The following TAF4B variants were observed in gnomAD, a reference collection of about 807,000 sequenced individuals.
TAF4B encodes the protein TATA-box binding protein associated factor 4b.
Under a neutral mutation model 86.4 loss-of-function variants are expected in TAF4B, and 38 were observed. That is an observed-to-expected ratio of 0.44 (90% CI 0.34 to 0.58). TAF4B has a LOEUF of 0.58. Among genes scored for constraint, TAF4B ranks in the 20% least tolerant of loss-of-function variants. TAF4B has a pLI of 0.02. For synonymous variants in TAF4B, 388 were observed against 391.2 expected, an observed-to-expected ratio of 0.99 and a Z score of 0.10; for missense variants, 988 against 1,027.6, an observed-to-expected ratio of 0.96 and a Z score of 0.53.
intron 14 of TAF4B, among the ~76,000 whole-genome samples, chr18:26,380,785 A>G (rs1311513113): frequency 6.6e-6 from 1 of 151,734 alleles, no homozygotes; most frequent in Non-Finnish European, 1.5e-5. Flanking sequence ...AATAACATAT[A>G]ATTGAGTTTT....
intron 12 of TAF4B, among the ~76,000 whole-genome samples, chr18:26,332,807 C>G (rs546541804): frequency 6.6e-6 from 1 of 152,144 alleles, no homozygotes; most frequent in South Asian, 2.1e-4. Flanking sequence ...GCTGGGATTA[C>G]AGGCGTGAGC....
chr18:26,269,960 G>A (rs2056292022), intron 3 of TAF4B, among the ~76,000 whole-genome samples: 1 of 152,100 alleles, frequency 6.6e-6, no homozygotes. Flanking sequence ...TAGGCCTATT[G>A]ATAGCTACTA....
intron 11 of TAF4B, among the ~76,000 whole-genome samples, chr18:26,326,079 T>C (rs766743344): frequency 2.6e-5 from 4 of 152,192 alleles, no homozygotes; most frequent in South Asian, 2.1e-4. Context: ...GTTTTTCTAC[T>C]ATACAGTTTC....
chr18:26,338,317 T>C (rs2057108772), intron 13 of TAF4B, among the ~76,000 whole-genome samples: 1 of 151,800 alleles, frequency 6.6e-6, no homozygotes, highest in Non-Finnish European at 1.5e-5. Context: ...AGTGTGGTGG[T>C]GCACACCTGT....
At chr18:26,241,644 C>A (rs1384135060) in intron 1 of TAF4B, among the ~76,000 whole-genome samples, 1 of 152,018 alleles carries the variant, frequency 6.6e-6, no homozygotes, top group Non-Finnish European at 1.5e-5. Flanking sequence ...AATGTGTTTG[C>A]TCTTGCTTCT....
intron 1 of TAF4B, chr18:26,256,370 G>A: frequency 1.4e-6 from 2 of 1,397,284 alleles, no homozygotes; most frequent in Non-Finnish European, 2.0e-6. Flanking sequence ...TTTCTTCTGG[G>A]CAAAAGTCTT....
chr18:26,355,202 A>T (rs77973012), intron 13 of TAF4B, among the ~76,000 whole-genome samples: 1 of 152,302 alleles, frequency 6.6e-6, no homozygotes, highest in Non-Finnish European at 1.5e-5. Context: ...GATATTTAGG[A>T]CTCACTTATT....
intron 13 of TAF4B, among the ~76,000 whole-genome samples, chr18:26,341,629 A>G (rs1401292174): frequency 6.6e-6 from 1 of 152,168 alleles, no homozygotes; most frequent in Non-Finnish European, 1.5e-5. Context: ...CAGTTTACGT[A>G]TCAAATTCCA....
intron 14 of TAF4B, among the ~76,000 whole-genome samples, chr18:26,358,439 G>C (rs2057305172): frequency 6.6e-6 from 1 of 152,216 alleles, no homozygotes; most frequent in South Asian, 2.1e-4. Context: ...GGCCGGGCGA[G>C]GTGGCTCACG....
rs2056501259 is a variant in TAF4B at position 26,285,222 on chromosome 18, G to GTTTTTTTTTTTTGTTT, written c.973-648_973-647insGTTTTTTTTTTTTTTT. Among the ~76,000 whole-genome samples, 5 of 45,660 alleles carry GTTTTTTTTTTTTGTTT rather than the reference G, an allele frequency of 1.1e-4. 1 individual carries two copies. Among genetic ancestry groups the GTTTTTTTTTTTTGTTT allele is most frequent in the East Asian group, 2.2e-3 (2 of 914 alleles). The allele number at this position is 45,660 out of a possible 152,430, so 30.0% of individuals were successfully genotyped here. On this transcript the variant is annotated intron_variant, in intron 6 of 14. Transcript: ENST00000269142. ...ATTTCTTCCTTTCCTTTTTTTTTTTGTTTTTTTTTTTTTTGGAGATGGGGT... is the reference window on the plus strand; with the variant it reads ...ATTTCTTCCTTTCCTTTTTTTTTTTGTTTTTTTTTTTTGTTTTTTTTTTTTTTTTTGGAGATGGGGT...
chr18:26,274,326 T>G (rs1296997013), intron 3 of TAF4B, among the ~76,000 whole-genome samples: 1 of 152,206 alleles, frequency 6.6e-6, no homozygotes, highest in Non-Finnish European at 1.5e-5. Flanking sequence ...TTTTGAGGAC[T>G]TATTTGCTTT....
At chr18:26,273,478 C>T (rs1050624077) in intron 3 of TAF4B, among the ~76,000 whole-genome samples, 11 of 152,090 alleles carry the variant, frequency 7.2e-5, no homozygotes, top group Admixed American at 4.6e-4. Flanking sequence ...CCCATATACC[C>T]CAAACCCATG....
intron 1 of TAF4B, among the ~76,000 whole-genome samples, chr18:26,255,437 C>CT (rs1568107343): frequency 6.6e-6 from 1 of 151,788 alleles, no homozygotes. Context: ...AACCCTGTCT[C>CT]TACTAAAACT....
intron 5 of TAF4B, among the ~76,000 whole-genome samples, chr18:26,279,192 C>A (rs902194652): frequency 6.6e-6 from 1 of 152,098 alleles, no homozygotes; most frequent in African/African-American, 2.4e-5. Flanking sequence ...GGTACAAAAT[C>A]AGTTTTCAAA....
intron 13 of TAF4B, chr18:26,348,684 G>A (rs1022014249): frequency 5.2e-5 from 8 of 153,094 alleles, no homozygotes; most frequent in African/African-American, 1.9e-4. Flanking sequence ...TAATCCATAA[G>A]GGAGAGAAAC....
intron 1 of TAF4B, among the ~76,000 whole-genome samples, chr18:26,229,261 GA>G (rs1196098914): frequency 6.6e-6 from 1 of 152,098 alleles, no homozygotes; most frequent in African/African-American, 2.4e-5. Context: ...CCATACAAAA[GA>G]GAGAAAGAAG....
At chr18:26,280,502 A>C (rs943520429) in intron 5 of TAF4B, among the ~76,000 whole-genome samples, 4 of 152,222 alleles carry the variant, frequency 2.6e-5, no homozygotes, top group Non-Finnish European at 5.9e-5. Context: ...AACAACATGA[A>C]CAGACATTTC....
intron 9 of TAF4B, among the ~76,000 whole-genome samples, chr18:26,308,822 AGAC>A (rs1252361311): frequency 3.4e-5 from 5 of 145,208 alleles, no homozygotes; most frequent in Non-Finnish European, 7.5e-5. Flanking sequence ...CAGTGAGCCG[AGAC>A]TGTGCCATTT....
chr18:26,269,734 T>A (rs2056289160), intron 3 of TAF4B, among the ~76,000 whole-genome samples: 1 of 152,122 alleles, frequency 6.6e-6, no homozygotes, highest in Middle Eastern at 3.2e-3. Flanking sequence ...ATTTCATCCT[T>A]GTGACTATAC....
Sources: allele counts gnomAD v4.1 joint callset (sites outside exome capture counted in the v4.1 genomes callset), GRCh38; gene constraint gnomAD v4.1.1; transcripts MANE v1.5; gene names NCBI Gene and HGNC (gene_info 2026-07-23, HGNC 2026-07-21).